Variants in ASAP2 observed in about 807,000 individuals in gnomAD.
ASAP2 encodes the protein ArfGAP with SH3 domain, ankyrin repeat and PH domain 2, also known as arf-GAP with SH3 domain, ANK repeat and PH domain-containing protein 2.
In ASAP2, 45 loss-of-function variants were observed where a neutral mutation model predicts 131.4. The observed-to-expected ratio is 0.34, with a 90% CI of 0.27 to 0.44. ASAP2 has a LOEUF of 0.44. Ranked by LOEUF, ASAP2 falls within the 20% of genes least tolerant of loss-of-function variation. The pLI is 1.00. For missense variants in ASAP2, 1,011 were observed against 1,297.0 expected, an observed-to-expected ratio of 0.78 and a Z score of 3.39; for synonymous variants, 510 against 503.0, an observed-to-expected ratio of 1.01 and a Z score of -0.19.
At chr2:9,359,916 A>G (rs1030766397) in intron 15 of ASAP2, among the ~76,000 whole-genome samples, 3 of 152,232 alleles carry the variant, frequency 2.0e-5, no homozygotes, top group Non-Finnish European at 4.4e-5. Context: ...GTTTAAAACT[A>G]AGCTAGACTC....
At chr2:9,246,201 C>A (rs1432556018) in intron 1 of ASAP2, among the ~76,000 whole-genome samples, 1 of 152,212 alleles carries the variant, frequency 6.6e-6, no homozygotes, top group African/African-American at 2.4e-5. Context: ...ACTCCTTAGA[C>A]ATTTAAAACA....
intron 23 of ASAP2, among the ~76,000 whole-genome samples, chr2:9,391,598 CAG>C (rs1484024026): frequency 2.9e-5 from 4 of 137,862 alleles, no homozygotes; most frequent in East Asian, 4.3e-4. Flanking sequence ...TTTTTTGAGA[CAG>C]AGTCTCACTC....
At chr2:9,240,178 G>A (rs2709564) in intron 1 of ASAP2, among the ~76,000 whole-genome samples, 7,929 of 151,390 alleles carry the variant, frequency 0.052, 527 homozygotes, top group African/African-American at 0.15. Context: ...CCTGCAGCCA[G>A]CTAATATTGA....
At chr2:9,351,806 C>T (rs979154107) in intron 12 of ASAP2, among the ~76,000 whole-genome samples, 1 of 152,248 alleles carries the variant, frequency 6.6e-6, no homozygotes, top group Non-Finnish European at 1.5e-5. Flanking sequence ...CCCACAATGG[C>T]TTGCTCTTAT....
intron 1 of ASAP2, among the ~76,000 whole-genome samples, chr2:9,255,554 C>T (rs1665095594): frequency 6.6e-6 from 1 of 152,198 alleles, no homozygotes; most frequent in Non-Finnish European, 1.5e-5. Flanking sequence ...ATGAAGTAGC[C>T]TCTCTGGTTC....
intron 1 of ASAP2, among the ~76,000 whole-genome samples, chr2:9,234,238 G>A (rs920953128): frequency 3.3e-5 from 5 of 151,976 alleles, no homozygotes; most frequent in Admixed American, 3.3e-4. Context: ...TCTTCTTGAC[G>A]CTATTTGTGC....
Position 9,393,506 on chromosome 2 carries a change from C to T in ASAP2, c.2543C>T (p.Pro848Leu), listed in dbSNP as rs1191871175. The change falls in exon 24 of 28, where the codon CCA becomes CTA. Residue 848 changes from proline to leucine, a missense_variant. By Grantham distance (98) the Pro-to-Leu change is moderately conservative. This residue lies in a region of ASAP2 where 652 missense variants were observed against 698.9 expected (regional missense o/e 0.93). Transcript: ENST00000281419. ...GATCCCCTGACCCCCACGCCGCCCCCACCCGTTGCCAAGACGCCCAGCGTA... is the reference window on the plus strand; with the variant it reads ...GATCCCCTGACCCCCACGCCGCCCCTACCCGTTGCCAAGACGCCCAGCGTA... ...STNPLTPTPP[P>L]PVAKTPSVME... 1.2e-6 allele frequency: 2 copies of T among 1,606,760 alleles called. No homozygotes were observed. The highest frequency in any genetic ancestry group is 1.7e-6 in the Non-Finnish European group (2 of 1,177,120).
chr2:9,346,581 C>A (rs1433824816), intron 11 of ASAP2, among the ~76,000 whole-genome samples: 1 of 152,198 alleles, frequency 6.6e-6, no homozygotes, highest in Non-Finnish European at 1.5e-5. Context: ...TTCTAAATAC[C>A]TTCCAGATCT....
chr2:9,367,315 G>A (rs1406976604), intron 15 of ASAP2, among the ~76,000 whole-genome samples: 1 of 151,922 alleles, frequency 6.6e-6, no homozygotes, highest in Non-Finnish European at 1.5e-5. Flanking sequence ...ATACAGGTGT[G>A]AGCCACCATG....
chr2:9,353,177 C>G (rs970856873), intron 12 of ASAP2, among the ~76,000 whole-genome samples: 2 of 152,162 alleles, frequency 1.3e-5, no homozygotes, highest in African/African-American at 4.8e-5. Context: ...TGAGGAGCAT[C>G]TGTCTTCACC....
At chr2:9,395,603 T>TTTTTTC (rs1558401492) in intron 24 of ASAP2, among the ~76,000 whole-genome samples, 6 of 91,598 alleles carry the variant, frequency 6.6e-5, no homozygotes, top group African/African-American at 3.7e-4. Context: ...TCTTTTTTTT[T>TTTTTTC]TTTTTTTTTT....
chr2:9,341,855 C>T (rs566776924), intron 9 of ASAP2, among the ~76,000 whole-genome samples: 2 of 152,244 alleles, frequency 1.3e-5, no homozygotes, highest in East Asian at 1.9e-4. Flanking sequence ...CCTAGTTTAT[C>T]CAGAGGCTCA....
At chr2:9,363,963 C>T (rs1228162651) in intron 15 of ASAP2, among the ~76,000 whole-genome samples, 2 of 152,206 alleles carry the variant, frequency 1.3e-5, no homozygotes, top group Admixed American at 1.3e-4. Flanking sequence ...CTTTAGCACA[C>T]ACCAGCTTAA....
At chr2:9,328,868 T>G (rs76600376) in intron 7 of ASAP2, among the ~76,000 whole-genome samples, 3,989 of 152,310 alleles carry the variant, frequency 0.026, 170 homozygotes, top group African/African-American at 0.091. Flanking sequence ...AATTTCTAAT[T>G]AGATGTTTAC....
At chr2:9,215,833 G>A (rs1179105158) in intron 1 of ASAP2, among the ~76,000 whole-genome samples, 1 of 152,150 alleles carries the variant, frequency 6.6e-6, no homozygotes, top group African/African-American at 2.4e-5. Context: ...CGCTAAAGGT[G>A]TTTAGAAGCG....
At chr2:9,236,679 G>A (rs1663574391) in intron 1 of ASAP2, among the ~76,000 whole-genome samples, 1 of 152,214 alleles carries the variant, frequency 6.6e-6, no homozygotes, top group South Asian at 2.1e-4. Flanking sequence ...ATGTATGTAT[G>A]TGTAGGTGGT....
intron 3 of ASAP2, among the ~76,000 whole-genome samples, chr2:9,310,341 A>G (rs529635662): frequency 1.3e-5 from 2 of 152,220 alleles, no homozygotes; most frequent in Non-Finnish European, 2.9e-5. Context: ...TGTATATTAC[A>G]TGGTAACAAA....
chr2:9,320,249 A>T, intron 4 of ASAP2, 39 bp from the exon 5 acceptor site: 1 of 1,529,750 alleles, frequency 6.5e-7, no homozygotes, highest in Non-Finnish European at 9.0e-7. Flanking sequence ...ACAGAAGTGA[A>T]TGATTAGTCT....
chr2:9,208,450 A>G (rs1490132757), intron 1 of ASAP2, among the ~76,000 whole-genome samples: 3 of 133,432 alleles, frequency 2.2e-5, no homozygotes, highest in Non-Finnish European at 4.8e-5. Context: ...AGCATCTGCT[A>G]TTAGGAATTG....
Sources: allele counts gnomAD v4.1 joint callset (sites outside exome capture counted in the v4.1 genomes callset), GRCh38; gene constraint gnomAD v4.1.1; regional missense constraint gnomAD v4.1.1; transcripts MANE v1.5; gene names NCBI Gene and HGNC (gene_info 2026-07-23, HGNC 2026-07-21).